The following GNAL variants were observed in gnomAD, a reference collection of about 807,000 sequenced individuals.
The protein encoded by GNAL is G protein subunit alpha L.
In GNAL, 18 loss-of-function variants were observed where a neutral mutation model predicts 55.1. The observed-to-expected ratio is 0.33, with a 90% CI of 0.23 to 0.48. The LOEUF is 0.48. Ranked by LOEUF, GNAL falls within the 20% of genes least tolerant of loss-of-function variation. The pLI is 0.99. For synonymous variants in GNAL, 253 were observed against 237.0 expected (o/e 1.07, Z -0.62); for missense variants, 412 against 614.1 (o/e 0.67, Z 3.48).
At chr18:11,825,909 T>C (rs573011976) in intron 5 of GNAL, among the ~76,000 whole-genome samples, 1 of 152,270 alleles carries the variant, frequency 6.6e-6, no homozygotes, top group South Asian at 2.1e-4. Flanking sequence ...ATGTTTGCTG[T>C]TTTGATAATT....
intron 5 of GNAL, chr18:11,853,331 ATCT>A (rs1265222943): frequency 1.2e-5 from 2 of 167,130 alleles, no homozygotes; most frequent in Admixed American, 6.5e-5. Context: ...GCTGCCTGCC[ATCT>A]TCTCAGGAAT....
At position 11,867,220 on chromosome 18, in the gene GNAL, T is replaced by A. The variant is rs1263027375; in HGVS notation, c.904T>A (p.Phe302Ile). 1 of 1,600,566 alleles carries A rather than the reference T, an allele frequency of 6.2e-7. No individual in the cohort carries two copies. Among genetic ancestry groups the A allele is most frequent in the Non-Finnish European group, 8.6e-7 (1 of 1,167,744 alleles). ...TGAGAGGAGAAAATGGATCCAGTGC[T>A]TTAACGGTGATTTTTTTATGCTCTC... The part of the protein sequence containing the change: ...RDERRKWIQC[F>I]NDVTAIIYVA... The change falls in exon 8 of 12, where the codon TTT becomes ATT. Residue 302 changes from phenylalanine (F) to isoleucine (I), a missense_variant. By Grantham distance (21) the Phe-to-Ile change is conservative. Transcript: ENST00000334049.
chr18:11,861,951 T>C (rs955765530), intron 5 of GNAL, among the ~76,000 whole-genome samples: 2 of 114,864 alleles, frequency 1.7e-5, no homozygotes, highest in Non-Finnish European at 3.8e-5. Context: ...CTTACACATA[T>C]TCACGCAGTC....
intron 1 of GNAL, among the ~76,000 whole-genome samples, chr18:11,729,183 T>TG (rs1165969884): frequency 6.6e-6 from 1 of 152,162 alleles, no homozygotes; most frequent in African/African-American, 2.4e-5. Context: ...GGTTCATAGA[T>TG]GTGTTGGGTA....
At chr18:11,739,994 G>A (rs547486941) in intron 1 of GNAL, among the ~76,000 whole-genome samples, 6 of 152,234 alleles carry the variant, frequency 3.9e-5, no homozygotes, top group African/African-American at 1.2e-4. Flanking sequence ...CACAGTGGTC[G>A]AAAAGGATGT....
chr18:11,884,151 A>C lies in GNAL; in HGVS notation c.*3016A>C, dbSNP rs1425484535. ...CCTGGGGGAACAAGGACTGTCGTGC[A>C]TGTGAGTGACGACATTAATAGCATT... On this transcript the variant is annotated 3_prime_UTR_variant, in exon 12 of 12. Coordinates refer to ENST00000334049, the MANE Select transcript of GNAL (RefSeq NM_182978.4). 2 of 295,142 alleles carry C rather than the reference A, an allele frequency of 6.8e-6. No individual in the cohort carries two copies. The highest frequency in any genetic ancestry group is 4.3e-5 in the African/African-American group (2 of 46,692). The allele number at this position is 295,142 out of a possible 1,614,324, so 18.3% of individuals were successfully genotyped here. A position where few individuals can be genotyped will look rare whatever the true frequency, so the allele number is the denominator to read the frequency against.
At chr18:11,783,334 C>G (rs550168739) in intron 4 of GNAL, among the ~76,000 whole-genome samples, 1 of 152,144 alleles carries the variant, frequency 6.6e-6, no homozygotes, top group East Asian at 1.9e-4. Context: ...ATGGTACTTA[C>G]CTCAGAGTTG....
Position 11,882,207 on chromosome 18 carries a change from T to C in GNAL, c.*1072T>C, listed in dbSNP as rs12373386. Reference sequence around the variant, plus strand: ...TAAAAACCTGAACTCAATTCAGGGGTACAAATTGCAATCTAATCTTTTCAG... The same window carrying C: ...TAAAAACCTGAACTCAATTCAGGGGCACAAATTGCAATCTAATCTTTTCAG... On this transcript the variant is annotated 3_prime_UTR_variant, in exon 12 of 12. Coordinates refer to ENST00000334049, the MANE Select transcript of GNAL (RefSeq NM_182978.4). 0.64 allele frequency: 97,867 copies of C among 151,938 alleles called. 32,439 individuals are homozygous for C. The highest frequency in any genetic ancestry group is 0.73 in the Non-Finnish European group (49,278 of 67,944). The allele number at this position is 151,938 out of a possible 1,614,324, so 9.4% of individuals were successfully genotyped here. A position where few individuals can be genotyped will look rare whatever the true frequency, so the allele number is the denominator to read the frequency against.
chr18:11,871,777 C>T (rs72870413), intron 9 of GNAL, among the ~76,000 whole-genome samples: 2,317 of 152,312 alleles, frequency 0.015, 33 homozygotes, highest in Non-Finnish European at 0.022. Flanking sequence ...GAACTCATTA[C>T]ATAAGTAAAT....
chr18:11,840,322 C>G (rs1174944378), intron 5 of GNAL, among the ~76,000 whole-genome samples: 1 of 152,234 alleles, frequency 6.6e-6, no homozygotes, highest in Non-Finnish European at 1.5e-5. Context: ...AAGAAAGAAA[C>G]TGCTTTGCCA....
At chr18:11,701,301 A>C (rs547373890) in intron 1 of GNAL, among the ~76,000 whole-genome samples, 14 of 152,108 alleles carry the variant, frequency 9.2e-5, no homozygotes, top group Non-Finnish European at 5.9e-5. Flanking sequence ...ACACAAATGC[A>C]TAATGCTGGC....
intron 4 of GNAL, among the ~76,000 whole-genome samples, chr18:11,812,472 T>C (rs1235295206): frequency 1.3e-5 from 2 of 152,072 alleles, no homozygotes; most frequent in African/African-American, 2.4e-5. Context: ...CAGGAACAAA[T>C]ACAGAGATCA....
chr18:11,808,810 G>T (rs188370794), intron 4 of GNAL, among the ~76,000 whole-genome samples: 1 of 152,240 alleles, frequency 6.6e-6, no homozygotes, highest in Non-Finnish European at 1.5e-5. Context: ...ATGGAATGCC[G>T]TTCGGCAATA....
At chr18:11,771,061 A>G (rs530600728) in intron 4 of GNAL, among the ~76,000 whole-genome samples, 2 of 152,106 alleles carry the variant, frequency 1.3e-5, no homozygotes, top group Admixed American at 1.3e-4. Context: ...CTAAAAAAAT[A>G]CAAAAAATTA....
chr18:11,792,404 C>T (rs376714188), intron 4 of GNAL, among the ~76,000 whole-genome samples: 1 of 152,206 alleles, frequency 6.6e-6, no homozygotes, highest in Non-Finnish European at 1.5e-5. Flanking sequence ...CAGGCTGGTC[C>T]CAAACTCCTG....
intron 1 of GNAL, among the ~76,000 whole-genome samples, chr18:11,692,807 G>GAATGAATA (rs1555639765): frequency 6.6e-6 from 1 of 150,736 alleles, no homozygotes; most frequent in African/African-American, 2.5e-5. Context: ...TCTCAAAAAT[G>GAATGAATA]AATAAATAAA....
At chr18:11,793,184 GT>G (rs1186890888) in intron 4 of GNAL, among the ~76,000 whole-genome samples, 3 of 150,854 alleles carry the variant, frequency 2.0e-5, no homozygotes, top group African/African-American at 7.4e-5. Flanking sequence ...TTTAAAATTT[GT>G]GCATCAAAGG....
chr18:11,820,207 G>T (rs188809930), intron 4 of GNAL, among the ~76,000 whole-genome samples: 40 of 152,136 alleles, frequency 2.6e-4, no homozygotes, highest in African/African-American at 8.9e-4. Context: ...AGGCAGAAAG[G>T]GGGAGAGCAG....
At chr18:11,857,607 G>C in intron 5 of GNAL, 3 of 985,352 alleles carry the variant, frequency 3.0e-6, no homozygotes, top group Non-Finnish European at 3.6e-6. Context: ...AGAGGAACAC[G>C]CTCTTGGATG....
Sources: allele counts gnomAD v4.1 joint callset (sites outside exome capture counted in the v4.1 genomes callset), GRCh38; gene constraint gnomAD v4.1.1; transcripts MANE v1.5; gene names NCBI Gene and HGNC (gene_info 2026-07-23, HGNC 2026-07-21).